Variants in ANTXR1 observed in about 807,000 individuals in gnomAD.
The protein encoded by ANTXR1 is ANTXR cell adhesion molecule 1.
In ANTXR1, 19 loss-of-function variants were observed where a neutral mutation model predicts 78.1. The ratio of observed to expected loss-of-function variants is 0.24; its 90% CI spans 0.17 to 0.36. The LOEUF (loss-of-function observed/expected upper bound fraction) is 0.36. Ranked by LOEUF, ANTXR1 falls within the 10% of genes least tolerant of loss-of-function variation. The probability of loss-of-function intolerance (pLI) is 1.00; values close to 1 mark genes in which losing one functional copy is unlikely to be tolerated. For synonymous variants in ANTXR1, 273 were observed against 260.5 expected, an observed-to-expected ratio of 1.05 and a Z score of -0.46; for missense variants, 518 against 718.6, an observed-to-expected ratio of 0.72 and a Z score of 3.19.
Position 69,124,548 on chromosome 2 carries a change from C to T in ANTXR1, c.873-17C>T. 2 of 1,613,584 alleles carry T rather than the reference C, an allele frequency of 1.2e-6. No individual in the cohort carries two copies. The highest frequency in any genetic ancestry group is 1.7e-6 in the Non-Finnish European group (2 of 1,179,532). On this transcript the variant is annotated splice_polypyrimidine_tract_variant and intron_variant, in intron 11 of 17. Transcript: ENST00000303714. ...GCACGCCCTGCTGAGAGTCTGCTTCCCTTGTTGTCATTGCAGGAAAGCTGC... is the reference window on the plus strand; with the variant it reads ...GCACGCCCTGCTGAGAGTCTGCTTCTCTTGTTGTCATTGCAGGAAAGCTGC...
At chr2:69,137,180 A>G (rs554951122) in intron 12 of ANTXR1, among the ~76,000 whole-genome samples, 1 of 152,152 alleles carries the variant, frequency 6.6e-6, no homozygotes, top group East Asian at 1.9e-4. Flanking sequence ...TTTGATCACT[A>G]TGTTGTGTTT....
chr2:69,047,553 A>G (rs1184886057), intron 3 of ANTXR1, among the ~76,000 whole-genome samples: 2 of 151,988 alleles, frequency 1.3e-5, no homozygotes, highest in Admixed American at 6.6e-5. Context: ...GTTTTCCTTC[A>G]GGGTACCCTA....
At chr2:69,118,716 G>A (rs988690186) in intron 10 of ANTXR1, among the ~76,000 whole-genome samples, 5 of 152,328 alleles carry the variant, frequency 3.3e-5, no homozygotes, top group East Asian at 3.9e-4. Flanking sequence ...AGGCTGGCAC[G>A]GCCCTGGGGC....
intron 9 of ANTXR1, among the ~76,000 whole-genome samples, chr2:69,091,411 A>C (rs1415591129): frequency 7.5e-6 from 1 of 133,744 alleles, no homozygotes; most frequent in Non-Finnish European, 1.5e-5. Context: ...GCACCACTGC[A>C]CTCCAGCCTG....
intron 17 of ANTXR1, among the ~76,000 whole-genome samples, chr2:69,221,975 A>G (rs1356991129): frequency 6.6e-6 from 1 of 152,198 alleles, no homozygotes; most frequent in East Asian, 1.9e-4. Flanking sequence ...TAGACTCCTT[A>G]GCGGGTTTCG....
At chr2:69,159,678 C>T (rs1223135576) in intron 13 of ANTXR1, among the ~76,000 whole-genome samples, 6 of 152,134 alleles carry the variant, frequency 3.9e-5, no homozygotes, top group Non-Finnish European at 8.8e-5. Flanking sequence ...GGGAGAGGCT[C>T]ATGTCCATGC....
At position 69,062,517 on chromosome 2, in the gene ANTXR1, C is replaced by CA. The variant is rs1181051297; in HGVS notation, c.297-8130_297-8129insA. On this transcript the variant is annotated intron_variant, in intron 3 of 17. Coordinates refer to ENST00000303714, the MANE Select transcript of ANTXR1 (RefSeq NM_032208.3). ...AACATGAATCTAACAAAAGGTGCAG[C>CA]CCAGCCCAAGCTCACCCTGACTCAA... Among the ~76,000 whole-genome samples the CA allele has an allele frequency of 3.3e-5, 5 of 152,272 alleles. 1 individual carries two copies. The East Asian group carries it at 9.7e-4, about 29-fold the overall frequency.
chr2:69,127,937 T>G (rs1672596724), intron 12 of ANTXR1, among the ~76,000 whole-genome samples: 1 of 152,098 alleles, frequency 6.6e-6, no homozygotes, highest in Non-Finnish European at 1.5e-5. Context: ...ATAAGTTGTT[T>G]AGCCCCTAGC....
chr2:69,199,167 G>C (rs1674720274), intron 17 of ANTXR1, among the ~76,000 whole-genome samples: 1 of 152,230 alleles, frequency 6.6e-6, no homozygotes, highest in South Asian at 2.1e-4. Flanking sequence ...TTGAGCATCA[G>C]AATCACCTAG....
intron 17 of ANTXR1, among the ~76,000 whole-genome samples, chr2:69,237,490 G>A (rs575316806): frequency 1.5e-4 from 23 of 152,364 alleles, no homozygotes; most frequent in African/African-American, 5.0e-4. Flanking sequence ...ATGCACTGCA[G>A]CAGTGCCATG....
At chr2:69,230,054 C>T (rs1675551972) in intron 17 of ANTXR1, among the ~76,000 whole-genome samples, 1 of 152,166 alleles carries the variant, frequency 6.6e-6, no homozygotes, top group African/African-American at 2.4e-5. Flanking sequence ...GGTATCTCTG[C>T]ATAATTCTTT....
chr2:69,237,771 A>G (rs1260709052), intron 17 of ANTXR1, among the ~76,000 whole-genome samples: 1 of 152,222 alleles, frequency 6.6e-6, no homozygotes, highest in African/African-American at 2.4e-5. Context: ...TTATATATAC[A>G]GGTATACATA....
chr2:69,151,714 G>A (rs969751733), intron 12 of ANTXR1, among the ~76,000 whole-genome samples: 1 of 152,134 alleles, frequency 6.6e-6, no homozygotes. Context: ...ACAGCTTTAT[G>A]AATCTGTTAC....
chr2:69,045,317 C>G (rs550779338), intron 3 of ANTXR1, among the ~76,000 whole-genome samples: 1 of 152,180 alleles, frequency 6.6e-6, no homozygotes. Context: ...GTTGTTGATA[C>G]AAAGAAGTTA....
chr2:69,155,928 C>T (rs1392601236), intron 13 of ANTXR1, among the ~76,000 whole-genome samples: 1 of 152,154 alleles, frequency 6.6e-6, no homozygotes, highest in African/African-American at 2.4e-5. Flanking sequence ...GAAGAAATCC[C>T]TGTTGGGGCT....
chr2:69,094,296 A>G (rs1671330608), intron 9 of ANTXR1, among the ~76,000 whole-genome samples: 1 of 152,266 alleles, frequency 6.6e-6, no homozygotes, highest in Non-Finnish European at 1.5e-5. Context: ...GGCCAGTGTT[A>G]GAATCATGAT....
At chr2:69,178,574 G>A (rs1045964913) in intron 14 of ANTXR1, among the ~76,000 whole-genome samples, 1 of 140,990 alleles carries the variant, frequency 7.1e-6, no homozygotes, top group African/African-American at 3.2e-5. Flanking sequence ...GGGGCCAGGG[G>A]CAAGAGGGAG....
chr2:69,086,349 C>T (rs528167468), intron 8 of ANTXR1, among the ~76,000 whole-genome samples: 8 of 152,214 alleles, frequency 5.3e-5, no homozygotes, highest in South Asian at 4.1e-4. Flanking sequence ...TTCTATACAA[C>T]CCGGACTGGT....
intron 3 of ANTXR1, among the ~76,000 whole-genome samples, chr2:69,065,026 T>A (rs568505200): frequency 3.9e-5 from 6 of 152,064 alleles, no homozygotes; most frequent in Non-Finnish European, 8.8e-5. Context: ...AGTGAATCAA[T>A]AAAATTGAAA....
Sources: gnomAD v4.1 joint callset for allele counts (sites outside exome capture counted in the v4.1 genomes callset) on GRCh38, gnomAD v4.1.1 for gene constraint, MANE v1.5 for transcripts, NCBI Gene and HGNC (gene_info 2026-07-23, HGNC 2026-07-21) for gene names.